ZNF385D: variants seen among roughly 807,000 people sequenced by gnomAD.
ZNF385D encodes zinc finger protein 659.
ZNF385D carries 15 observed loss-of-function variants against 35.8 expected under a neutral mutation model. The ratio of observed to expected loss-of-function variants is 0.42; its 90% CI spans 0.28 to 0.64. The LOEUF (loss-of-function observed/expected upper bound fraction) is 0.64. ZNF385D is among the 30% of genes least tolerant of loss of function. The probability of loss-of-function intolerance (pLI) is 0.23; values close to 1 mark genes in which losing one functional copy is unlikely to be tolerated. For synonymous variants in ZNF385D, 212 were observed against 186.8 expected, an observed-to-expected ratio of 1.13 and a Z score of -1.10; for missense variants, 474 against 494.6, an observed-to-expected ratio of 0.96 and a Z score of 0.39.
At chr3:22,061,452 A>C (rs537129524) in intron 3 of ZNF385D, among the ~76,000 whole-genome samples, 1 of 152,268 alleles carries the variant, frequency 6.6e-6, no homozygotes, top group South Asian at 2.1e-4. Context: ...CGTTTACCCC[A>C]CAGAGTTTAT....
chr3:21,761,859 C>A (rs1214686109), intron 3 of ZNF385D, among the ~76,000 whole-genome samples: 4 of 136,228 alleles, frequency 2.9e-5, no homozygotes, highest in African/African-American at 1.1e-4. Context: ...ATTTCAAGAG[C>A]ATTTTCTTCC....
In ZNF385D at chr3:21,957,377, C is replaced by T. The variant is rs147427855; in HGVS notation, c.325+211440G>A. ...AGGCAGAGGTTGGAACAGATTGGAG[C>T]GCTCAGAAAAAGACAGGAAAATATG... is the stretch of plus-strand genomic sequence containing the variant. On this transcript the variant is annotated intron_variant, in intron 3 of 5. Coordinates refer to the ZNF385D transcript ENST00000494108. 1.5e-4 allele frequency among the ~76,000 whole-genome samples: 23 copies of T among 152,120 alleles called. No individual in the cohort carries two copies. In the East Asian group the frequency reaches 2.7e-3, roughly 18 times the overall value.
intron 1 of ZNF385D, among the ~76,000 whole-genome samples, chr3:21,674,478 T>C (rs1157537018): frequency 1.3e-5 from 2 of 152,114 alleles, no homozygotes; most frequent in African/African-American, 2.4e-5. Context: ...ACATTTCAAC[T>C]AGCAATTTAG....
chr3:22,223,201 C>A (rs985191169), intron 2 of ZNF385D, among the ~76,000 whole-genome samples: 3 of 152,002 alleles, frequency 2.0e-5, no homozygotes, highest in Admixed American at 1.3e-4. Context: ...ATGTGTTCAG[C>A]TCATCTTAAA....
intron 2 of ZNF385D, among the ~76,000 whole-genome samples, chr3:22,206,274 A>G (rs1384017593): frequency 6.6e-6 from 1 of 152,132 alleles, no homozygotes; most frequent in East Asian, 1.9e-4. Flanking sequence ...ACACCCAGAT[A>G]TATAAAGCAA....
Position 22,205,957 on chromosome 3 carries a change from T to A in ZNF385D, c.107-36922A>T, listed in dbSNP as rs62246461. Among the ~76,000 whole-genome samples, 9 of 151,818 alleles carry A rather than the reference T, an allele frequency of 5.9e-5. No individual in the cohort carries two copies. The East Asian group carries it at 1.7e-3, about 29-fold the overall frequency. On this transcript the variant is annotated intron_variant, in intron 2 of 5. Transcript: ENST00000494108. The stretch of plus-strand genomic sequence containing the variant: ...GACTAAACTTCCCCATCAAAAGACA[T>A]AGAGTGGCTGATTGTATTCAAAAAG...
intron 2 of ZNF385D, among the ~76,000 whole-genome samples, chr3:22,285,579 C>T (rs972623514): frequency 2.6e-5 from 4 of 152,042 alleles, no homozygotes; most frequent in Non-Finnish European, 4.4e-5. Flanking sequence ...ATGTGCACAA[C>T]GTGCAAGTTA....
Position 21,663,915 on chromosome 3 carries a change from A to ATATATATATATATATATATATATTTATT in ZNF385D, c.165+970_165+971insAATAAATATATATATATATATATATATA, listed in dbSNP as rs1159950305. The stretch of plus-strand genomic sequence containing the variant: ...AATATATATATATATATATATATAT[A>ATATATATATATATATATATATATTTATT]TATTTATTTATTTAAATCCATCATG... On this transcript the variant is annotated intron_variant, in intron 2 of 7. Coordinates refer to ENST00000281523, the MANE Select transcript of ZNF385D (RefSeq NM_024697.3). Among the ~76,000 whole-genome samples, 427 of 105,526 alleles carry ATATATATATATATATATATATATTTATT rather than the reference A, an allele frequency of 4.0e-3. 3 individuals carry two copies. The highest frequency in any genetic ancestry group is 6.5e-3 in the Non-Finnish European group (336 of 51,776). 69.2% of individuals were successfully genotyped at this position (105,526 alleles called of 152,430 possible).
At chr3:22,092,490 G>A (rs1041284045) in intron 3 of ZNF385D, among the ~76,000 whole-genome samples, 2 of 152,098 alleles carry the variant, frequency 1.3e-5, no homozygotes, top group African/African-American at 4.8e-5. Context: ...GGCTTCTACT[G>A]ATATCTTCCT....
intron 3 of ZNF385D, among the ~76,000 whole-genome samples, chr3:22,141,063 A>C (rs904621343): frequency 6.6e-6 from 1 of 152,222 alleles, no homozygotes; most frequent in Non-Finnish European, 1.5e-5. Context: ...TCAGAGATTA[A>C]GAGATTTACT....
intron 2 of ZNF385D, among the ~76,000 whole-genome samples, chr3:21,647,835 T>C (rs894345233): frequency 6.6e-6 from 1 of 152,194 alleles, no homozygotes; most frequent in Non-Finnish European, 1.5e-5. Flanking sequence ...ACCTGTTTTA[T>C]AGGCTTGGCA....
intron 3 of ZNF385D, among the ~76,000 whole-genome samples, chr3:22,153,423 C>G (rs1448794918): frequency 2.6e-5 from 4 of 151,852 alleles, no homozygotes; most frequent in Admixed American, 6.6e-5. Context: ...TCACAATGAC[C>G]CCGTGCCTGT....
chr3:22,057,807 C>A (rs1003077085), intron 3 of ZNF385D, among the ~76,000 whole-genome samples: 6 of 152,108 alleles, frequency 3.9e-5, no homozygotes, highest in Admixed American at 3.3e-4. Flanking sequence ...AGCCACTGTG[C>A]CCGGCCTCAC....
intron 3 of ZNF385D, among the ~76,000 whole-genome samples, chr3:21,830,201 C>T (rs1174865369): frequency 6.6e-6 from 1 of 152,136 alleles, no homozygotes; most frequent in African/African-American, 2.4e-5. Flanking sequence ...AGTAAAAATT[C>T]ATCTCTGTAT....
intron 3 of ZNF385D, among the ~76,000 whole-genome samples, chr3:21,961,015 G>T (rs2125318309): frequency 6.6e-6 from 1 of 152,102 alleles, no homozygotes; most frequent in South Asian, 2.1e-4. Context: ...GCTATAGGTT[G>T]ATATGGTTAA....
At chr3:22,022,893 C>G (rs13317689) in intron 3 of ZNF385D, among the ~76,000 whole-genome samples, 11,073 of 152,118 alleles carry the variant, frequency 0.073, 899 homozygotes, top group African/African-American at 0.2. Context: ...TCTTTGTATA[C>G]TTATTTAGCA....
chr3:21,800,574 G>C (rs969924014), intron 3 of ZNF385D, among the ~76,000 whole-genome samples: 1 of 152,074 alleles, frequency 6.6e-6, no homozygotes. Context: ...GGAATTTAAG[G>C]CCAGCTCAGG....
At chr3:21,781,866 A>C (rs890229099) in intron 3 of ZNF385D, among the ~76,000 whole-genome samples, 1 of 152,114 alleles carries the variant, frequency 6.6e-6, no homozygotes, top group Admixed American at 6.6e-5. Flanking sequence ...AATGGCATTC[A>C]ACCCAAAAAG....
chr3:22,112,671 G>A (rs1702595221), intron 3 of ZNF385D, among the ~76,000 whole-genome samples: 3 of 151,982 alleles, frequency 2.0e-5, no homozygotes, highest in Admixed American at 1.3e-4. Context: ...ATGCAATCTG[G>A]AACAATGAAC....
Sources: gnomAD v4.1 joint callset for allele counts (sites outside exome capture counted in the v4.1 genomes callset) on GRCh38, gnomAD v4.1.1 for gene constraint, MANE v1.5 for transcripts, NCBI Gene and HGNC (gene_info 2026-07-23, HGNC 2026-07-21) for gene names.